The following AP1B1 variants were observed in gnomAD, a reference collection of about 807,000 sequenced individuals.
The protein encoded by AP1B1 is AP-1 complex subunit beta-1.
AP1B1 carries 36 observed loss-of-function variants against 104.3 expected under a neutral mutation model. That is an observed-to-expected ratio of 0.35 (90% CI 0.26 to 0.46). The LOEUF is 0.46. AP1B1 is among the 20% of genes least tolerant of loss of function. The pLI, the probability that AP1B1 is intolerant of heterozygous loss-of-function variation, is 1.00. For synonymous variants in AP1B1, 504 were observed against 517.5 expected, an observed-to-expected ratio of 0.97 and a Z score of 0.35; for missense variants, 901 against 1,247.9, an observed-to-expected ratio of 0.72 and a Z score of 4.19.
chr22:29,332,181 T>C (rs2147933570), intron 17 of AP1B1: 4 of 376,062 alleles, frequency 1.1e-5, no homozygotes, highest in Non-Finnish European at 1.4e-5. Context: ...GCTCTGTTCC[T>C]CTCCTCTGGG....
chr22:29,370,789 T>C (rs1458503950), intron 1 of AP1B1: 1 of 152,212 alleles, frequency 6.6e-6, no homozygotes, highest in Admixed American at 6.5e-5. Flanking sequence ...AAAGCACAGC[T>C]GCAGATACCC....
chr22:29,363,635 A>T (rs1272327619), intron 2 of AP1B1, among the ~76,000 whole-genome samples: 1 of 151,860 alleles, frequency 6.6e-6, no homozygotes, highest in Admixed American at 6.6e-5. Flanking sequence ...CGACAGGGCC[A>T]AGACTCCATC....
At chr22:29,384,977 G>A (rs1027793770) in intron 1 of AP1B1, among the ~76,000 whole-genome samples, 5 of 152,254 alleles carry the variant, frequency 3.3e-5, no homozygotes, top group Non-Finnish European at 5.9e-5. Flanking sequence ...AGACCTAGGG[G>A]TGATGATCAG....
chr22:29,342,577 G>A (rs899729794), intron 11 of AP1B1, among the ~76,000 whole-genome samples, 194 bp from the exon 12 acceptor site: 2 of 152,240 alleles, frequency 1.3e-5, no homozygotes, highest in African/African-American at 4.8e-5. Context: ...GCCAGACCTC[G>A]GCATCACTCA....
At chr22:29,387,359 G>A (rs1195933168) in intron 1 of AP1B1, among the ~76,000 whole-genome samples, 2 of 149,098 alleles carry the variant, frequency 1.3e-5, no homozygotes, top group African/African-American at 2.5e-5. Flanking sequence ...CCAGGCTGGA[G>A]TGCAGTCGCA....
At chr22:29,356,398 G>T (rs771882778) in intron 6 of AP1B1, 28 bp downstream of exon 6, 4 of 1,591,214 alleles carry the variant, frequency 2.5e-6, no homozygotes, top group Non-Finnish European at 3.4e-6. Flanking sequence ...CTCAAGCTGG[G>T]CTGGCAAGCA....
Position 29,334,395 on chromosome 22 carries a change from T to C in AP1B1, c.2179A>G (p.Met727Val), listed in dbSNP as rs926141213. Residue 727 changes from methionine (M) to valine (V), a missense_variant, in exon 17 of 23, where the codon ATG becomes GTG. By Grantham distance (21) the Met-to-Val change is conservative (BLOSUM62 1). This residue lies in a region of AP1B1 where 424 missense variants were observed against 494.0 expected (regional missense o/e 0.86). Coordinates refer to ENST00000357586, the MANE Select transcript of AP1B1 (RefSeq NM_001127.4). ...GAGATCTCCAGCCCCTTAGCCTTCATGGCTGGGAGCCAGACCTGCAGGGAA... is the reference window on the plus strand; with the variant it reads ...GAGATCTCCAGCCCCTTAGCCTTCACGGCTGGGAGCCAGACCTGCAGGGAA... ...VAPKAVWLPA[M>V]KAKGLEISGT... is the part of the protein sequence containing the mutation. 5 of 1,604,626 alleles carry C rather than the reference T, an allele frequency of 3.1e-6. No individual in the cohort carries two copies. Among genetic ancestry groups the C allele is most frequent in the Non-Finnish European group, 4.2e-6 (5 of 1,176,998 alleles).
chr22:29,380,231 C>T (rs1467058846), intron 1 of AP1B1, among the ~76,000 whole-genome samples: 1 of 152,202 alleles, frequency 6.6e-6, no homozygotes, highest in Non-Finnish European at 1.5e-5. Flanking sequence ...TCCTACGCCA[C>T]TGTCTGCGCC....
intron 6 of AP1B1, among the ~76,000 whole-genome samples, chr22:29,355,365 CAGG>C (rs1394620115): frequency 1.3e-5 from 2 of 151,710 alleles, no homozygotes; most frequent in African/African-American, 4.8e-5. Flanking sequence ...GAGGCTGACG[CAGG>C]AGGACTGCTT....
chr22:29,386,307 G>C (rs1483086654), intron 1 of AP1B1, among the ~76,000 whole-genome samples: 2 of 152,192 alleles, frequency 1.3e-5, no homozygotes, highest in Non-Finnish European at 2.9e-5. Context: ...AGGGCTGACT[G>C]ACTGGGAGTC....
chr22:29,361,805 T>C (rs2062051414), intron 3 of AP1B1, among the ~76,000 whole-genome samples: 2 of 151,974 alleles, frequency 1.3e-5, no homozygotes, highest in South Asian at 4.1e-4. Context: ...TGAATGTTTT[T>C]TTTTTTTGAG....
At chr22:29,329,206 C>T in intron 22 of AP1B1, 2 of 1,225,546 alleles carry the variant, frequency 1.6e-6, no homozygotes, top group Non-Finnish European at 2.1e-6. Context: ...CTGAGGGCTG[C>T]CCGGCCCCCC....
intron 1 of AP1B1, among the ~76,000 whole-genome samples, chr22:29,382,336 G>A (rs991045338): frequency 1.3e-5 from 2 of 152,108 alleles, no homozygotes; most frequent in Admixed American, 6.5e-5. Context: ...CATGAGCCAC[G>A]GCACCTGGCC....
intron 1 of AP1B1, among the ~76,000 whole-genome samples, chr22:29,385,019 C>T (rs1350752358): frequency 6.6e-6 from 1 of 152,144 alleles, no homozygotes; most frequent in African/African-American, 2.4e-5. Context: ...TCCAGCTAGG[C>T]AGGTAAGGTT....
At chr22:29,382,105 A>G (rs977702407) in intron 1 of AP1B1, among the ~76,000 whole-genome samples, 2 of 152,052 alleles carry the variant, frequency 1.3e-5, no homozygotes, top group Non-Finnish European at 2.9e-5. Flanking sequence ...CACCCAGGCT[A>G]GAGTGCAGGG....
intron 13 of AP1B1, among the ~76,000 whole-genome samples, 178 bp downstream of exon 13, chr22:29,341,323 G>C (rs2061711279): frequency 6.6e-6 from 1 of 152,244 alleles, no homozygotes; most frequent in Non-Finnish European, 1.5e-5. Context: ...ACTGTCGTTA[G>C]GCTGGAATGA....
chr22:29,377,509 G>A (rs975320045), intron 1 of AP1B1, among the ~76,000 whole-genome samples: 1 of 152,090 alleles, frequency 6.6e-6, no homozygotes, highest in Non-Finnish European at 1.5e-5. Context: ...TATGTAAAGA[G>A]CTTTAAAGTT....
At chr22:29,375,073 G>A (rs547587602) in intron 1 of AP1B1, among the ~76,000 whole-genome samples, 56 of 152,336 alleles carry the variant, frequency 3.7e-4, no homozygotes, top group Non-Finnish European at 6.5e-4. Flanking sequence ...AGTTCTGGCC[G>A]GGCGCGGTGG....
chr22:29,371,006 T>TAG (rs2062226460), intron 1 of AP1B1, among the ~76,000 whole-genome samples: 1 of 152,056 alleles, frequency 6.6e-6, no homozygotes, highest in African/African-American at 2.4e-5. Flanking sequence ...GAAATTAAAG[T>TAG]AGAGAAGGGA....
Sources: allele counts gnomAD v4.1 joint callset (sites outside exome capture counted in the v4.1 genomes callset), GRCh38; gene constraint gnomAD v4.1.1; regional missense constraint gnomAD v4.1.1; transcripts MANE v1.5; gene names NCBI Gene and HGNC (gene_info 2026-07-23, HGNC 2026-07-21).